The following CATSPER4 variants were observed in gnomAD, a reference collection of about 807,000 sequenced individuals.
CATSPER4 encodes the protein cation channel sperm-associated protein 4.
In CATSPER4, 46 loss-of-function variants were observed where a neutral mutation model predicts 54.4. That is an observed-to-expected ratio of 0.84 (90% CI 0.67 to 1.08). The LOEUF is 1.08. CATSPER4 is among the 50% of genes least tolerant of loss of function. The pLI is 0.00. For missense variants in CATSPER4, 574 were observed against 612.8 expected, an observed-to-expected ratio of 0.94 and a Z score of 0.67; for synonymous variants, 230 against 231.9, an observed-to-expected ratio of 0.99 and a Z score of 0.08.
chr1:26,192,806 T>C (rs1238583252), intron 2 of CATSPER4, among the ~76,000 whole-genome samples: 2 of 151,966 alleles, frequency 1.3e-5, no homozygotes, highest in Admixed American at 1.3e-4. Flanking sequence ...CAGTGGGCCC[T>C]AAGGCACTGA....
In CATSPER4 at chr1:26,202,799, G is replaced by C; in HGVS notation, c.*257G>C. 1.8e-6 allele frequency: 1 copy of C among 559,152 alleles called. No individual in the cohort carries two copies. The allele number at this position is 559,152 out of a possible 1,614,324, so 34.6% of individuals were successfully genotyped here. A position where few individuals can be genotyped will look rare whatever the true frequency, so the allele number is the denominator to read the frequency against. ...GCAGCAAGGATGAGCACAGAAGGGG[G>C]TGCTGGCCAACGCAGCCAGGATTTG... On this transcript the variant is annotated 3_prime_UTR_variant, in exon 10 of 10. Coordinates refer to ENST00000456354, the MANE Select transcript of CATSPER4 (RefSeq NM_198137.2).
rs779301235 is a variant in CATSPER4 at position 26,190,784 on chromosome 1, T to G, written c.157T>G (p.Tyr53Asp). 116 of 1,613,214 alleles carry G rather than the reference T, an allele frequency of 7.2e-5. No homozygotes were observed. Among genetic ancestry groups the G allele is most frequent in the Non-Finnish European group, 9.2e-5 (109 of 1,179,788 alleles). Residue 53 changes from tyrosine (Y) to aspartate (D), a missense_variant, in exon 1 of 10, where the codon TAC becomes GAC. Tyr to Asp is a radical substitution (Grantham distance 160). Transcript: ENST00000456354. Reference protein sequence around the residue: ...SPLQSTIHESYGRPEEQVLIN... With the variant: ...SPLQSTIHESDGRPEEQVLIN... Reference sequence around the variant, plus strand: ...CCTGCAGAGTACCATTCACGAGTCCTACGGTCGGCCAGAGGAGCAAGTGCT... The same window carrying G: ...CCTGCAGAGTACCATTCACGAGTCCGACGGTCGGCCAGAGGAGCAAGTGCT...
Position 26,200,877 on chromosome 1 carries a change from T to G in CATSPER4, c.1035T>G (p.His345Gln). ...EEENDQLPLV[H>Q]CVVARSEKSG... ...AGAATGACCAGCTGCCACTGGTGCA[T>G]TGTGTGGTCGCCCGCTCGGAGAAAT... Residue 345 changes from histidine to glutamine, a missense_variant, in exon 8 of 10, where the codon CAT becomes CAG. By Grantham distance (24) the His-to-Gln change is conservative. Transcript: ENST00000456354. The G allele has an allele frequency of 6.2e-7, 1 of 1,614,052 alleles. No individual in the cohort carries two copies. The highest frequency in any genetic ancestry group is 1.1e-5 in the South Asian group (1 of 91,086).
Position 26,193,769 on chromosome 1 carries a change from T to C in CATSPER4, c.358-18T>C, listed in dbSNP as rs761832086. The stretch of plus-strand genomic sequence containing the variant: ...CACTGACCTCTCTGCCCCTCTTTTT[T>C]CTCTGTCTCCCATGTAGAAACACTA... On this transcript the variant is annotated intron_variant, in intron 2 of 9. Transcript: ENST00000456354. 3.1e-5 allele frequency: 48 copies of C among 1,569,492 alleles called. No individual in the cohort carries two copies. In the East Asian group the frequency reaches 4.9e-4, roughly 16 times the overall value.
At chr1:26,193,425 C>T (rs2088893825) in intron 2 of CATSPER4, among the ~76,000 whole-genome samples, 1 of 152,184 alleles carries the variant, frequency 6.6e-6, no homozygotes, top group Non-Finnish European at 1.5e-5. Flanking sequence ...GCCTCTCCTA[C>T]CTCCCTCTCC....
chr1:26,201,897 G>C (rs974798494), intron 9 of CATSPER4, among the ~76,000 whole-genome samples: 5 of 151,840 alleles, frequency 3.3e-5, no homozygotes, highest in African/African-American at 7.3e-5. Context: ...CACCATCTTG[G>C]CCAGGCTGGT....
intron 4 of CATSPER4, 52 bp from the exon 5 acceptor site, chr1:26,197,905 A>AGGGAAGGGGCT: frequency 6.4e-7 from 1 of 1,556,020 alleles, no homozygotes. Context: ...GGTAATGAGG[A>AGGGAAGGGGCT]GGGAAGGGGC....
At chr1:26,198,750 T>C (rs1373054279) in intron 6 of CATSPER4, among the ~76,000 whole-genome samples, 1 of 152,200 alleles carries the variant, frequency 6.6e-6, no homozygotes, top group Non-Finnish European at 1.5e-5. Context: ...CCAGCCCACC[T>C]TGGAGCCCAC....
intron 8 of CATSPER4, 128 bp from the exon 9 acceptor site, chr1:26,201,226 A>C: frequency 9.2e-7 from 1 of 1,089,852 alleles, no homozygotes; most frequent in Non-Finnish European, 1.4e-6. Flanking sequence ...ACACAAGGGC[A>C]CAGCTCGGCC....
intron 3 of CATSPER4, among the ~76,000 whole-genome samples, chr1:26,196,642 C>A (rs2088942155): frequency 6.6e-6 from 1 of 151,738 alleles, no homozygotes; most frequent in African/African-American, 2.4e-5. Context: ...AACTCCTGAG[C>A]TCAAGCAATC....
chr1:26,202,422 G>C, intron 9 of CATSPER4, 67 bp from the exon 10 acceptor site: 1 of 1,397,764 alleles, frequency 7.2e-7, no homozygotes, highest in Non-Finnish European at 1.0e-6. Context: ...GACTGGAGGA[G>C]GTGAGTAACG....
At chr1:26,202,354 G>A in intron 9 of CATSPER4, 135 bp from the exon 10 acceptor site, 1 of 773,812 alleles carries the variant, frequency 1.3e-6, no homozygotes, top group South Asian at 1.5e-5. Context: ...GTACTAGGTA[G>A]GCTCAAGTTA....
intron 4 of CATSPER4, 51 bp from the exon 5 acceptor site, chr1:26,197,906 G>A (rs771412036): frequency 1.2e-6 from 2 of 1,611,376 alleles, no homozygotes; most frequent in South Asian, 1.1e-5. Flanking sequence ...GTAATGAGGA[G>A]GGAAGGGGCT....
intron 3 of CATSPER4, among the ~76,000 whole-genome samples, chr1:26,194,117 G>T (rs1243045000): frequency 6.6e-6 from 1 of 152,236 alleles, no homozygotes; most frequent in Admixed American, 6.5e-5. Flanking sequence ...CAGCTCTGTA[G>T]TCTTGGACAA....
chr1:26,199,431 C>CA (rs557579569), intron 6 of CATSPER4, among the ~76,000 whole-genome samples: 2,226 of 101,618 alleles, frequency 0.022, 53 homozygotes, highest in African/African-American at 0.062. Context: ...GACTCTGTCT[C>CA]AAAAAAAAAA....
At position 26,198,090 on chromosome 1, in the gene CATSPER4, C is replaced by T. The variant is rs879053345; in HGVS notation, c.678+13C>T. The T allele has an allele frequency of 1.3e-5, 21 of 1,614,178 alleles. No individual in the cohort carries two copies. The highest frequency in any genetic ancestry group is 1.7e-5 in the Non-Finnish European group (20 of 1,180,030). On this transcript the variant is annotated intron_variant, in intron 5 of 9. Coordinates refer to ENST00000456354, the MANE Select transcript of CATSPER4 (RefSeq NM_198137.2). Reference sequence around the variant, plus strand: ...CTTCTTCATGCTGGTCAGTGCCTGCCCCCGCCCCCAGCTGTTTCCCTTCCC... The same window carrying T: ...CTTCTTCATGCTGGTCAGTGCCTGCTCCCGCCCCCAGCTGTTTCCCTTCCC...
chr1:26,193,063 T>TA (rs897455143), intron 2 of CATSPER4, among the ~76,000 whole-genome samples: 74 of 142,744 alleles, frequency 5.2e-4, no homozygotes, highest in Middle Eastern at 3.5e-3. Flanking sequence ...GATGTCACAT[T>TA]AAAAAAAAAA....
intron 3 of CATSPER4, among the ~76,000 whole-genome samples, chr1:26,195,942 G>A (rs2088933608): frequency 6.6e-6 from 1 of 152,118 alleles, no homozygotes; most frequent in Admixed American, 6.6e-5. Context: ...ATGAGATTTG[G>A]AGGGGATAAA....
At chr1:26,196,650 A>G (rs2088942247) in intron 3 of CATSPER4, among the ~76,000 whole-genome samples, 1 of 151,580 alleles carries the variant, frequency 6.6e-6, no homozygotes, top group Non-Finnish European at 1.5e-5. Flanking sequence ...AGCTCAAGCA[A>G]TCCTCCCACC....
Sources: gnomAD v4.1 joint callset for allele counts (sites outside exome capture counted in the v4.1 genomes callset) on GRCh38, gnomAD v4.1.1 for gene constraint, MANE v1.5 for transcripts, NCBI Gene and HGNC (gene_info 2026-07-23, HGNC 2026-07-21) for gene names.